Variants in DOK6 observed in about 807,000 individuals in gnomAD.
DOK6 encodes downstream of tyrosine kinase 6.
Under a neutral mutation model 44.0 loss-of-function variants are expected in DOK6, and 22 were observed. That is an observed-to-expected ratio of 0.50 (90% CI 0.36 to 0.71). DOK6 has a LOEUF of 0.71. Ranked by LOEUF, DOK6 falls within the 30% of genes least tolerant of loss-of-function variation. DOK6 has a pLI of 0.00. For synonymous variants in DOK6, 166 were observed against 145.5 expected (o/e 1.14, Z -1.01); for missense variants, 340 against 416.4 (o/e 0.82, Z 1.60).
intron 2 of DOK6, among the ~76,000 whole-genome samples, chr18:69,568,115 C>T (rs1983029876): frequency 1.3e-5 from 2 of 152,172 alleles, no homozygotes; most frequent in Admixed American, 1.3e-4. Flanking sequence ...CAACCTGTGC[C>T]CTGGCTCCCC....
chr18:69,606,757 A>ATTTTTTTT (rs71176989), intron 3 of DOK6, among the ~76,000 whole-genome samples: 1 of 115,162 alleles, frequency 8.7e-6, no homozygotes. Context: ...TTCAAAAAGG[A>ATTTTTTTT]TTTTTTTTTT....
chr18:69,507,173 G>A (rs185163432), intron 1 of DOK6, among the ~76,000 whole-genome samples: 164 of 151,964 alleles, frequency 1.1e-3, no homozygotes, highest in African/African-American at 3.6e-3. Flanking sequence ...GACTACAGGC[G>A]CGTGCCACCG....
rs183058998 is a variant in DOK6, at chr18:69,840,239, T to C, written c.857-1005T>C. The stretch of plus-strand genomic sequence containing the variant: ...TGTGTTCCTCGCCCAGGCGATCAGA[T>C]GACACACAAATCAGACTCAGCACAG... On this transcript the variant is annotated intron_variant, in intron 7 of 7. Transcript: ENST00000382713. 1.7e-3 allele frequency among the ~76,000 whole-genome samples: 263 copies of C among 152,366 alleles called. 1 individual carries two copies. The highest frequency in any genetic ancestry group is 6.1e-3 in the African/African-American group (252 of 41,592).
At chr18:69,486,414 T>C (rs1980579932) in intron 1 of DOK6, among the ~76,000 whole-genome samples, 1 of 152,016 alleles carries the variant, frequency 6.6e-6, no homozygotes, top group South Asian at 2.1e-4. Context: ...GTAGTGTGGG[T>C]TTTTGTTTTC....
intron 1 of DOK6, among the ~76,000 whole-genome samples, chr18:69,493,197 T>C (rs911075360): frequency 8.5e-5 from 13 of 152,176 alleles, no homozygotes; most frequent in Non-Finnish European, 1.9e-4. Context: ...TTTAAAAGAT[T>C]ATAAAATATT....
intron 7 of DOK6, among the ~76,000 whole-genome samples, chr18:69,822,227 G>T (rs943442853): frequency 6.6e-6 from 1 of 152,086 alleles, no homozygotes; most frequent in Non-Finnish European, 1.5e-5. Flanking sequence ...TTTAGCGTGG[G>T]AATTGTTAAA....
chr18:69,603,611 A>G (rs1470318364), intron 3 of DOK6, among the ~76,000 whole-genome samples: 4 of 152,130 alleles, frequency 2.6e-5, no homozygotes, highest in African/African-American at 9.7e-5. Context: ...CTCTACTAAA[A>G]ATACAAAAAA....
chr18:69,472,477 C>G (rs1438986192), intron 1 of DOK6, among the ~76,000 whole-genome samples: 1 of 152,130 alleles, frequency 6.6e-6, no homozygotes, highest in Non-Finnish European at 1.5e-5. Context: ...TTGCATGTGC[C>G]TTGGAATTGT....
intron 1 of DOK6, among the ~76,000 whole-genome samples, chr18:69,542,730 T>C (rs17188580): frequency 0.057 from 8,637 of 151,542 alleles, 617 homozygotes; most frequent in Non-Finnish European, 0.087. Context: ...GGGAGCTTTG[T>C]ACATTTGAAA....
intron 7 of DOK6, among the ~76,000 whole-genome samples, chr18:69,759,933 T>C (rs1476224784): frequency 6.6e-6 from 1 of 152,170 alleles, no homozygotes; most frequent in Admixed American, 6.5e-5. Flanking sequence ...GGAAGTTACG[T>C]TTCACTATAC....
At chr18:69,451,227 A>C (rs1442624692) in intron 1 of DOK6, among the ~76,000 whole-genome samples, 3 of 146,786 alleles carry the variant, frequency 2.0e-5, no homozygotes, top group African/African-American at 5.1e-5. Flanking sequence ...TCTACCAAGC[A>C]AATGGAAAAC....
intron 1 of DOK6, among the ~76,000 whole-genome samples, chr18:69,545,909 A>C (rs111523272): frequency 2.0e-5 from 3 of 151,502 alleles, no homozygotes; most frequent in African/African-American, 7.2e-5. Flanking sequence ...GAATTTTAAA[A>C]AGTGTTGGTC....
chr18:69,835,427 T>A (rs936469846), intron 7 of DOK6, among the ~76,000 whole-genome samples: 1 of 151,422 alleles, frequency 6.6e-6, no homozygotes, highest in South Asian at 2.1e-4. Flanking sequence ...ATCGCACCAC[T>A]GCACTCCAGC....
intron 4 of DOK6, among the ~76,000 whole-genome samples, chr18:69,682,699 T>A (rs1303754536): frequency 1.3e-5 from 2 of 152,114 alleles, no homozygotes; most frequent in Non-Finnish European, 2.9e-5. Context: ...AGTTAGAATG[T>A]ATGACATACG....
intron 5 of DOK6, among the ~76,000 whole-genome samples, chr18:69,712,024 G>A (rs1369509986): frequency 6.6e-6 from 1 of 151,842 alleles, no homozygotes; most frequent in Non-Finnish European, 1.5e-5. Flanking sequence ...GCTCACGCCT[G>A]TAATCCCAGC....
At chr18:69,573,259 GTGAAAA>G (rs778139296) in intron 2 of DOK6, among the ~76,000 whole-genome samples, 3 of 151,780 alleles carry the variant, frequency 2.0e-5, no homozygotes, top group Non-Finnish European at 4.4e-5. Context: ...CCTCCAATGT[GTGAAAA>G]TGAAGCGGCA....
At chr18:69,680,020 T>A (rs975633211) in intron 4 of DOK6, among the ~76,000 whole-genome samples, 1 of 152,126 alleles carries the variant, frequency 6.6e-6, no homozygotes, top group East Asian at 1.9e-4. Context: ...TACTTTACAG[T>A]GGACCTAAAA....
At chr18:69,702,946 A>G (rs964332180) in intron 5 of DOK6, among the ~76,000 whole-genome samples, 4 of 152,194 alleles carry the variant, frequency 2.6e-5, no homozygotes, top group African/African-American at 9.7e-5. Flanking sequence ...GTTCAATAAA[A>G]ATGTATTGAA....
intron 5 of DOK6, among the ~76,000 whole-genome samples, chr18:69,726,638 C>CAT (rs764178372): frequency 2.0e-5 from 3 of 151,980 alleles, no homozygotes; most frequent in Non-Finnish European, 4.4e-5. Context: ...AACACACACA[C>CAT]ATATATGTAC....
Sources: allele counts gnomAD v4.1 joint callset (sites outside exome capture counted in the v4.1 genomes callset), GRCh38; gene constraint gnomAD v4.1.1; transcripts MANE v1.5; gene names NCBI Gene and HGNC (gene_info 2026-07-23, HGNC 2026-07-21).